Variants in PDE9A observed in about 807,000 individuals in gnomAD.
The protein encoded by PDE9A is phosphodiesterase 9A, also known as high affinity cGMP-specific 3',5'-cyclic phosphodiesterase 9A.
In PDE9A, 60 loss-of-function variants were observed where a neutral mutation model predicts 87.4. That is an observed-to-expected ratio of 0.69 (90% CI 0.56 to 0.85). PDE9A has a LOEUF of 0.85. PDE9A is among the 40% of genes least tolerant of loss of function. The pLI is 0.00. For missense variants in PDE9A, 665 were observed against 779.0 expected (o/e 0.85, Z 1.74); for synonymous variants, 272 against 279.4 (o/e 0.97, Z 0.27).
Position 42,759,229 on chromosome 21 carries a change from G to T in PDE9A, c.897+144G>T. On this transcript the variant is annotated intron_variant, in intron 11 of 19. Transcript: ENST00000291539. This position sits in a 1 kb window ranked among gnomAD's most constrained non-coding sequence, Gnocchi z 7.2. ...GAGGTGACATTTCCCCGGGAGTTCTGTGAGGACACTCAGCCTGTCTCTGTT... is the reference window on the plus strand; with the variant it reads ...GAGGTGACATTTCCCCGGGAGTTCTTTGAGGACACTCAGCCTGTCTCTGTT... 1.5e-6 allele frequency: 1 copy of T among 648,874 alleles called. No individual in the cohort carries two copies. The highest frequency in any genetic ancestry group is 2.8e-6 in the Non-Finnish European group (1 of 355,802). The allele number at this position is 648,874 out of a possible 1,614,324, so 40.2% of individuals were successfully genotyped here.
intron 10 of PDE9A, chr21:42,758,727 G>A (rs563803788): frequency 7.4e-6 from 3 of 403,078 alleles, no homozygotes; most frequent in Non-Finnish European, 1.4e-5. Flanking sequence ...TTCGGAACTG[G>A]CCCTCCACGC....
At position 42,695,269 on chromosome 21, in the gene PDE9A, T is replaced by G. The variant is rs2060079851; in HGVS notation, c.219-3699T>G. On this transcript the variant is annotated intron_variant, in intron 3 of 19. Transcript: ENST00000291539. The surrounding 1 kb of genome is among the most constrained non-coding windows in gnomAD (Gnocchi z 4.3). ...CCATGATCAAATAAGGCTCCAGCAT[T>G]CCTCCTTGGAGGGACTCTGAGCCAT... Among the ~76,000 whole-genome samples, 1 of 152,222 alleles carries G rather than the reference T, an allele frequency of 6.6e-6. No homozygotes were observed. Among genetic ancestry groups the G allele is most frequent in the African/African-American group, 2.4e-5 (1 of 41,440 alleles).
At chr21:42,667,738 A>G (rs917547781) in intron 1 of PDE9A, among the ~76,000 whole-genome samples, 1 of 151,976 alleles carries the variant, frequency 6.6e-6, no homozygotes, top group African/African-American at 2.4e-5. Flanking sequence ...GGCAGCCACC[A>G]CTTCCCTAGA....
At chr21:42,713,357 C>G (rs1489511324) in intron 4 of PDE9A, among the ~76,000 whole-genome samples, 1 of 152,200 alleles carries the variant, frequency 6.6e-6, no homozygotes, top group Non-Finnish European at 1.5e-5. Context: ...TGGTCTCGAA[C>G]TCCTGACCTC....
At chr21:42,772,134 AAG>A (rs1045571978) in intron 18 of PDE9A, among the ~76,000 whole-genome samples, 1 of 152,184 alleles carries the variant, frequency 6.6e-6, no homozygotes, top group African/African-American at 2.4e-5. Flanking sequence ...AGACACGCCA[AAG>A]AGGTGAAAAG....
At chr21:42,666,533 G>C (rs2058005579) in intron 1 of PDE9A, among the ~76,000 whole-genome samples, 1 of 152,202 alleles carries the variant, frequency 6.6e-6, no homozygotes, top group Admixed American at 6.5e-5. Flanking sequence ...AAGGACCACA[G>C]GCCCGGCGGC....
chr21:42,685,552 C>G (rs933881592), intron 1 of PDE9A, among the ~76,000 whole-genome samples: 4 of 146,602 alleles, frequency 2.7e-5, no homozygotes, highest in African/African-American at 7.7e-5. Context: ...CTGCAACCTC[C>G]GTCTCCCTGG....
At chr21:42,736,902 G>A (rs1031475460) in intron 7 of PDE9A, among the ~76,000 whole-genome samples, 5 of 152,224 alleles carry the variant, frequency 3.3e-5, no homozygotes, top group Non-Finnish European at 5.9e-5. Flanking sequence ...GTGCTTTAGC[G>A]GGAGGTGGCC....
chr21:42,724,712 A>C, intron 4 of PDE9A: 1 of 477,284 alleles, frequency 2.1e-6, no homozygotes, highest in Non-Finnish European at 2.7e-6. Context: ...CCTTCCTGAG[A>C]ATAGCTGACA....
At chr21:42,664,084 G>C (rs755390723) in intron 1 of PDE9A, among the ~76,000 whole-genome samples, 1 of 152,218 alleles carries the variant, frequency 6.6e-6, no homozygotes, top group Non-Finnish European at 1.5e-5. Flanking sequence ...GGGGCTTCTC[G>C]AGGCATCTCC....
At chr21:42,724,726 T>G (rs972309538) in intron 4 of PDE9A, 6 of 385,312 alleles carry the variant, frequency 1.6e-5, no homozygotes, top group African/African-American at 8.7e-5. Context: ...GCTGACATGC[T>G]GGCCTGGGTG....
intron 8 of PDE9A, among the ~76,000 whole-genome samples, chr21:42,748,190 G>A (rs751035982): frequency 2.0e-4 from 31 of 152,222 alleles, no homozygotes; most frequent in Non-Finnish European, 2.9e-4. Flanking sequence ...TAAAAGCAGC[G>A]AAGAAATCAT....
intron 1 of PDE9A, among the ~76,000 whole-genome samples, chr21:42,663,808 GTAGTCGTC>G (rs1422364404): frequency 2.0e-5 from 3 of 152,168 alleles, no homozygotes; most frequent in Non-Finnish European, 4.4e-5. Flanking sequence ...TTTCTTCCAG[GTAGTCGTC>G]TGCCCAGCAC....
At chr21:42,748,112 T>C (rs936657256) in intron 8 of PDE9A, among the ~76,000 whole-genome samples, 1 of 152,204 alleles carries the variant, frequency 6.6e-6, no homozygotes, top group Admixed American at 6.5e-5. Context: ...AAGATTTCCA[T>C]AACCCTCCTG....
chr21:42,657,618 A>T (rs1392874124), intron 1 of PDE9A, among the ~76,000 whole-genome samples: 1 of 152,124 alleles, frequency 6.6e-6, no homozygotes, highest in Non-Finnish European at 1.5e-5. Flanking sequence ...AGCACTGGGG[A>T]GCTGGAGGGG....
intron 4 of PDE9A, among the ~76,000 whole-genome samples, chr21:42,727,654 A>G (rs956162196): frequency 2.0e-5 from 3 of 151,944 alleles, no homozygotes; most frequent in Admixed American, 6.6e-5. Flanking sequence ...TTATAATTTC[A>G]GTGTCTACAT....
chr21:42,670,516 ACAGG>A (rs1333208561), intron 1 of PDE9A, among the ~76,000 whole-genome samples: 10 of 145,020 alleles, frequency 6.9e-5, no homozygotes, highest in African/African-American at 2.5e-4. Context: ...CTTCACACAC[ACAGG>A]CAATCACACA....
intron 17 of PDE9A, among the ~76,000 whole-genome samples, chr21:42,770,462 T>C (rs2056927712): frequency 1.3e-5 from 2 of 151,968 alleles, no homozygotes; most frequent in Admixed American, 6.6e-5. Flanking sequence ...CCCACCCTCA[T>C]CTCACGGGCA....
At chr21:42,681,985 G>A (rs2059189050) in intron 1 of PDE9A, among the ~76,000 whole-genome samples, 1 of 152,194 alleles carries the variant, frequency 6.6e-6, no homozygotes, top group Non-Finnish European at 1.5e-5. Context: ...CCACAGTCAG[G>A]AGCAGCATCA....
Sources: gnomAD v4.1 joint callset for allele counts (sites outside exome capture counted in the v4.1 genomes callset) on GRCh38, gnomAD v4.1.1 for gene constraint, Gnocchi (gnomAD v3.1) non-coding constraint, MANE v1.5 for transcripts, NCBI Gene and HGNC (gene_info 2026-07-23, HGNC 2026-07-21) for gene names.